The following GRIN3A variants were observed in gnomAD, a reference collection of about 807,000 sequenced individuals.
GRIN3A encodes glutamate ionotropic receptor NMDA type subunit 3A, also known as glutamate receptor ionotropic, NMDA 3A.
A neutral mutation model predicts 92.4 loss-of-function variants in GRIN3A; 47 were observed. The ratio of observed to expected loss-of-function variants is 0.51; its 90% confidence interval spans 0.40 to 0.65. GRIN3A has a LOEUF of 0.65. Ranked by LOEUF, GRIN3A falls within the 30% of genes least tolerant of loss-of-function variation. The probability of loss-of-function intolerance (pLI) is 0.00; values close to 1 mark genes in which losing one functional copy is unlikely to be tolerated. For missense variants in GRIN3A, 1,324 were observed against 1,393.1 expected, an observed-to-expected ratio of 0.95 and a Z score of 0.79; for synonymous variants, 527 against 540.6, an observed-to-expected ratio of 0.97 and a Z score of 0.35.
chr9:101,685,256 A>G (rs189009268), intron 2 of GRIN3A, among the ~76,000 whole-genome samples: 363 of 149,838 alleles, frequency 2.4e-3, no homozygotes, highest in African/African-American at 8.1e-3. Context: ...ATACATATAT[A>G]TATGTAAAAT....
Position 101,648,442 on chromosome 9 carries a change from G to T in GRIN3A, c.2353-20041C>A, listed in dbSNP as rs538798852. ...GGAAAATGTGTATTCTTCAGCTGCT[G>T]GATGGAATGTTCTGTAAATATTTAT... On this transcript the variant is annotated intron_variant, in intron 3 of 8. Coordinates refer to ENST00000361820, the MANE Select transcript of GRIN3A (RefSeq NM_133445.3). Among the ~76,000 whole-genome samples the T allele has an allele frequency of 1.2e-4, 19 of 152,130 alleles. No homozygotes were observed. The Middle Eastern group carries it at 0.01, about 82-fold the overall frequency.
intron 4 of GRIN3A, among the ~76,000 whole-genome samples, chr9:101,626,923 G>C (rs1176330789): frequency 6.6e-6 from 1 of 152,164 alleles, no homozygotes; most frequent in African/African-American, 2.4e-5. Flanking sequence ...GCTAGGGCAG[G>C]GCCAGTGCTG....
At chr9:101,691,645 T>C (rs544503664) in intron 1 of GRIN3A, among the ~76,000 whole-genome samples, 16 of 152,280 alleles carry the variant, frequency 1.1e-4, no homozygotes, top group African/African-American at 2.9e-4. Context: ...AGATAAATGG[T>C]TGGAGCCACC....
intron 3 of GRIN3A, among the ~76,000 whole-genome samples, chr9:101,642,589 T>C (rs991784132): frequency 4.6e-5 from 7 of 152,144 alleles, no homozygotes; most frequent in African/African-American, 1.7e-4. Context: ...CCAAGCCATA[T>C]CCTCAGCCAG....
At chr9:101,579,669 T>A (rs761058498) in intron 6 of GRIN3A, among the ~76,000 whole-genome samples, 1 of 152,204 alleles carries the variant, frequency 6.6e-6, no homozygotes, top group Non-Finnish European at 1.5e-5. Flanking sequence ...CCTTAAAAAC[T>A]GAGTTCCTGG....
rs145916384 is a variant in GRIN3A, at chr9:101,697,326, A to G, written c.700-10126T>C. Among the ~76,000 whole-genome samples, 508 of 152,294 alleles carry G rather than the reference A, an allele frequency of 3.3e-3. 4 individuals carry two copies. Among genetic ancestry groups the G allele is most frequent in the African/African-American group, 0.011 (462 of 41,544 alleles). ...ACCTTTCAAATCATGGTTGAAAGTA[A>G]AGAGACATTGAGAATGTTGAATTTA... On this transcript the variant is annotated intron_variant, in intron 1 of 8. Coordinates refer to ENST00000361820, the MANE Select transcript of GRIN3A (RefSeq NM_133445.3).
intron 3 of GRIN3A, among the ~76,000 whole-genome samples, chr9:101,642,622 G>C (rs557695636): frequency 3.7e-4 from 56 of 152,298 alleles, no homozygotes; most frequent in Middle Eastern, 3.4e-3. Flanking sequence ...TCCATGGCCT[G>C]TTAAGAACTG....
At chr9:101,675,044 G>A (rs1372089593) in intron 2 of GRIN3A, among the ~76,000 whole-genome samples, 1 of 151,904 alleles carries the variant, frequency 6.6e-6, no homozygotes, top group East Asian at 1.9e-4. Flanking sequence ...GCACATATAG[G>A]AAAGAAAAAT....
At chr9:101,609,405 TG>T (rs1177179462) in intron 6 of GRIN3A, among the ~76,000 whole-genome samples, 1 of 152,196 alleles carries the variant, frequency 6.6e-6, no homozygotes, top group African/African-American at 2.4e-5. Context: ...TAGAACAAAA[TG>T]GGATGGCAGG....
At position 101,737,760 on chromosome 9, in the gene GRIN3A, C is replaced by T. The variant is rs1382590873; in HGVS notation, c.220G>A (p.Ala74Thr). ...AASRAPDDSRAGAQRDEPEPG... is the reference protein window; with the variant it reads ...AASRAPDDSRTGAQRDEPEPG... ...TCCGGCTCATCCCTCTGGGCTCCTG[C>T]TCGGCTGTCGTCCGGAGCGCGGCTG... is the stretch of plus-strand genomic sequence containing the variant. Residue 74 changes from alanine (A) to threonine (T), a missense_variant, in exon 1 of 9, where the codon GCA becomes ACA. Ala to Thr is a moderately conservative substitution (Grantham distance 58). Coordinates refer to ENST00000361820, the MANE Select transcript of GRIN3A (RefSeq NM_133445.3). 6.5e-7 allele frequency: 1 copy of T among 1,529,236 alleles called. No individual in the cohort carries two copies. The highest frequency in any genetic ancestry group is 8.7e-7 in the Non-Finnish European group (1 of 1,144,034). 94.7% of individuals were successfully genotyped at this position (1,529,236 alleles called of 1,614,324 possible).
At chr9:101,621,946 T>A (rs1828562181) in intron 5 of GRIN3A, among the ~76,000 whole-genome samples, 1 of 152,196 alleles carries the variant, frequency 6.6e-6, no homozygotes, top group South Asian at 2.1e-4. Flanking sequence ...TACATTAAAA[T>A]GGGATTATAT....
chr9:101,603,187 C>T (rs545669094), intron 6 of GRIN3A, among the ~76,000 whole-genome samples: 3 of 152,160 alleles, frequency 2.0e-5, no homozygotes, highest in Admixed American at 1.3e-4. Context: ...GTGTTTATCT[C>T]GGAGTTAGAA....
At chr9:101,661,805 A>G (rs988313505) in intron 3 of GRIN3A, among the ~76,000 whole-genome samples, 3 of 151,874 alleles carry the variant, frequency 2.0e-5, no homozygotes, top group East Asian at 3.9e-4. Context: ...TGAGCATTGC[A>G]TAAACCCAGC....
chr9:101,701,649 C>A (rs1036356684), intron 1 of GRIN3A, among the ~76,000 whole-genome samples: 2 of 152,152 alleles, frequency 1.3e-5, no homozygotes, highest in African/African-American at 4.8e-5. Context: ...ACAAAGATTT[C>A]ATGATGAAGA....
intron 3 of GRIN3A, among the ~76,000 whole-genome samples, chr9:101,659,806 A>G (rs1218967044): frequency 6.6e-6 from 1 of 151,888 alleles, no homozygotes; most frequent in Non-Finnish European, 1.5e-5. Flanking sequence ...TGTATTTAAT[A>G]TGAATTACTG....
rs912706129 is a variant in GRIN3A at position 101,613,581 on chromosome 9, C to A, written c.2615-54G>T. 2.6e-6 allele frequency: 4 copies of A among 1,552,802 alleles called. No individual in the cohort carries two copies. The South Asian group carries it at 4.5e-5, about 18-fold the overall frequency. ...TTTTTACACCCTTCCTGAGAGATTG[C>A]CACCACAGTACATATTTGTGTGATA... On this transcript the variant is annotated intron_variant, in intron 5 of 8. Coordinates refer to ENST00000361820, the MANE Select transcript of GRIN3A (RefSeq NM_133445.3).
chr9:101,720,797 G>C (rs1289178696), intron 1 of GRIN3A, among the ~76,000 whole-genome samples: 1 of 152,034 alleles, frequency 6.6e-6, no homozygotes, highest in Non-Finnish European at 1.5e-5. Context: ...TAGAAATTTT[G>C]TGCTTTCTCA....
intron 1 of GRIN3A, among the ~76,000 whole-genome samples, chr9:101,715,661 G>A (rs1049089144): frequency 1.3e-5 from 2 of 152,098 alleles, no homozygotes; most frequent in East Asian, 1.9e-4. Context: ...ACTCATAAAA[G>A]TTTCATGACA....
chr9:101,688,377 C>T (rs1433047211), intron 1 of GRIN3A, among the ~76,000 whole-genome samples: 3 of 152,180 alleles, frequency 2.0e-5, no homozygotes, highest in Admixed American at 6.5e-5. Flanking sequence ...ACTGTAGCTA[C>T]TCATGATGGT....
Sources: allele counts gnomAD v4.1 joint callset (sites outside exome capture counted in the v4.1 genomes callset), GRCh38; gene constraint gnomAD v4.1.1; transcripts MANE v1.5; gene names NCBI Gene and HGNC (gene_info 2026-07-23, HGNC 2026-07-21).